Variants in VWA8 observed in about 807,000 individuals in gnomAD.
VWA8 encodes the protein von Willebrand factor A domain-containing protein 8.
Under a neutral mutation model 241.5 loss-of-function variants are expected in VWA8, and 221 were observed. The ratio of observed to expected loss-of-function variants is 0.91; its 90% CI spans 0.82 to 1.02. The LOEUF (loss-of-function observed/expected upper bound fraction) is 1.02, where lower values mean the gene tolerates loss of function less well. VWA8 is among the 50% of genes least tolerant of loss of function. VWA8 has a pLI of 0.00. For synonymous variants in VWA8, 852 were observed against 827.1 expected, an observed-to-expected ratio of 1.03 and a Z score of -0.52; for missense variants, 2,322 against 2,328.7, an observed-to-expected ratio of 1.00 and a Z score of 0.06.
intron 20 of VWA8, among the ~76,000 whole-genome samples, chr13:41,772,370 G>C (rs59727820): frequency 6.6e-6 from 1 of 151,950 alleles, no homozygotes; most frequent in Admixed American, 6.6e-5. Context: ...AGCTGGCATA[G>C]AAAAAATATC....
chr13:41,664,416 T>C (rs1251566343), intron 37 of VWA8, among the ~76,000 whole-genome samples: 1 of 151,738 alleles, frequency 6.6e-6, no homozygotes, highest in Non-Finnish European at 1.5e-5. Context: ...TGTGTGTGTG[T>C]GTGTGTGTGT....
At chr13:41,587,791 C>CTG (rs2044428992) in intron 41 of VWA8, 121 bp from the exon 42 acceptor site, 8 of 1,195,980 alleles carry the variant, frequency 6.7e-6, no homozygotes, top group Non-Finnish European at 8.2e-6. Context: ...CAGCCATAGG[C>CTG]TCAGCCCTGC....
At chr13:41,568,840 A>G (rs2139628094) in intron 44 of VWA8, among the ~76,000 whole-genome samples, 1 of 152,250 alleles carries the variant, frequency 6.6e-6, no homozygotes. Flanking sequence ...GGATTGTCCA[A>G]TTACTGCTTC....
At position 41,605,162 on chromosome 13, in the gene VWA8, G is replaced by A. The variant is rs1444973702; in HGVS notation, c.4986+6C>T. 1 of 1,612,134 alleles carries A rather than the reference G, an allele frequency of 6.2e-7. No individual in the cohort carries two copies. Among genetic ancestry groups the A allele is most frequent in the South Asian group, 1.1e-5 (1 of 91,016 alleles). ...TTATTTTCTTGGTCCATAAGTAGAAGATTACCTGTAAATTATCCAGGATGA... is the reference window on the plus strand; with the variant it reads ...TTATTTTCTTGGTCCATAAGTAGAAAATTACCTGTAAATTATCCAGGATGA... On this transcript the variant is annotated splice_donor_region_variant and intron_variant, in intron 40 of 44. Transcript: ENST00000379310.
intron 21 of VWA8, among the ~76,000 whole-genome samples, chr13:41,739,839 G>GTTTTTTTTTTT (rs1417524214): frequency 3.7e-4 from 16 of 43,566 alleles, no homozygotes; most frequent in South Asian, 8.3e-4. Context: ...TTTTTTTTTT[G>GTTTTTTTTTTT]TTTTTTTTGT....
intron 21 of VWA8, among the ~76,000 whole-genome samples, chr13:41,756,812 C>T (rs2045697748): frequency 6.6e-6 from 1 of 151,506 alleles, no homozygotes. Context: ...TGATACTATA[C>T]ACTTAAGCAG....
At chr13:41,953,560 C>T (rs886647952) in intron 1 of VWA8, among the ~76,000 whole-genome samples, 1 of 152,150 alleles carries the variant, frequency 6.6e-6, no homozygotes, top group Non-Finnish European at 1.5e-5. Flanking sequence ...AATCCCAGCA[C>T]TTTGGGAGGC....
intron 5 of VWA8, among the ~76,000 whole-genome samples, chr13:41,888,312 G>A (rs946272996): frequency 2.0e-5 from 3 of 152,148 alleles, no homozygotes; most frequent in East Asian, 3.8e-4. Flanking sequence ...TGAGAGAAAC[G>A]TCCACGGCTT....
chr13:41,796,078 CTCA>C (rs1869688159), intron 17 of VWA8, among the ~76,000 whole-genome samples: 1 of 152,106 alleles, frequency 6.6e-6, no homozygotes, highest in Non-Finnish European at 1.5e-5. Context: ...TTTGAAATTA[CTCA>C]TAATTGCTCA....
intron 37 of VWA8, among the ~76,000 whole-genome samples, chr13:41,647,241 G>A (rs2044837904): frequency 6.6e-6 from 1 of 152,172 alleles, no homozygotes; most frequent in African/African-American, 2.4e-5. Context: ...GGATATAAAT[G>A]AGGATCAGAA....
chr13:41,863,985 G>C (rs182430128), intron 12 of VWA8, among the ~76,000 whole-genome samples: 1 of 152,026 alleles, frequency 6.6e-6, no homozygotes, highest in Admixed American at 6.5e-5. Context: ...AAATAAGACA[G>C]ACATGGGTAA....
intron 41 of VWA8, 137 bp downstream of exon 41, chr13:41,590,498 CTTTTT>C (rs5803096): frequency 1.5e-6 from 1 of 654,150 alleles, no homozygotes; most frequent in Non-Finnish European, 2.2e-6. Context: ...TCTTCTTCTT[CTTTTT>C]TTTTTTTTTT....
At chr13:41,732,191 G>A in intron 21 of VWA8, 36 bp from the exon 22 acceptor site, 1 of 1,571,010 alleles carries the variant, frequency 6.4e-7, no homozygotes, top group Non-Finnish European at 8.7e-7. Context: ...AGTTAGGAAG[G>A]AAATAAGCTG....
At chr13:41,779,727 G>A (rs1868798984) in intron 19 of VWA8, among the ~76,000 whole-genome samples, 1 of 152,072 alleles carries the variant, frequency 6.6e-6, no homozygotes, top group Admixed American at 6.6e-5. Context: ...GTAATAAATG[G>A]GCTAATCTAC....
rs577337416 is a variant in VWA8, at chr13:41,853,736, T to C, written c.1425+12000A>G. On this transcript the variant is annotated intron_variant, in intron 12 of 44. Coordinates refer to ENST00000379310, the MANE Select transcript of VWA8 (RefSeq NM_015058.2). ...GTTTGTTCTTTTGTTTATAATCTTG[T>C]CTCTTCACTTATTCATCTAGCTACA... Among the ~76,000 whole-genome samples, 15 of 152,300 alleles carry C rather than the reference T, an allele frequency of 9.8e-5. No individual in the cohort carries two copies. In the South Asian group the frequency reaches 1.0e-3, roughly 11 times the overall value.
chr13:41,672,078 G>C (rs2045029535), intron 36 of VWA8, among the ~76,000 whole-genome samples: 1 of 152,118 alleles, frequency 6.6e-6, no homozygotes, highest in South Asian at 2.1e-4. Context: ...CCCTATACCA[G>C]TTCATACCTC....
intron 3 of VWA8, among the ~76,000 whole-genome samples, chr13:41,909,807 G>A (rs1222480380): frequency 6.6e-6 from 1 of 152,208 alleles, no homozygotes; most frequent in Non-Finnish European, 1.5e-5. Context: ...GCAGATGGAG[G>A]AGGCAGCAGT....
chr13:41,647,657 C>T (rs532470911), intron 37 of VWA8, among the ~76,000 whole-genome samples: 7 of 152,198 alleles, frequency 4.6e-5, no homozygotes, highest in Non-Finnish European at 7.4e-5. Flanking sequence ...TGAGTAGAAT[C>T]AGTCACATTA....
intron 36 of VWA8, among the ~76,000 whole-genome samples, chr13:41,674,961 A>C (rs1020587602): frequency 5.3e-5 from 8 of 152,234 alleles, no homozygotes; most frequent in Non-Finnish European, 1.0e-4. Flanking sequence ...AGAACAGATC[A>C]AACAAAAGAG....
Sources: gnomAD v4.1 joint callset for allele counts (sites outside exome capture counted in the v4.1 genomes callset) on GRCh38, gnomAD v4.1.1 for gene constraint, MANE v1.5 for transcripts, NCBI Gene and HGNC (gene_info 2026-07-23, HGNC 2026-07-21) for gene names.